NCAN: variants seen among roughly 807,000 people sequenced by gnomAD.
NCAN encodes the protein neurocan core protein.
NCAN carries 47 observed loss-of-function variants against 121.8 expected under a neutral mutation model. The observed-to-expected ratio is 0.39, with a 90% confidence interval of 0.31 to 0.49. The LOEUF (loss-of-function observed/expected upper bound fraction) is 0.49, where lower values mean the gene tolerates loss of function less well. Ranked by LOEUF, NCAN falls within the 20% of genes least tolerant of loss-of-function variation. NCAN has a pLI of 0.92. For synonymous variants in NCAN, 633 were observed against 702.0 expected, an observed-to-expected ratio of 0.90 and a Z score of 1.55; for missense variants, 1,517 against 1,773.4, an observed-to-expected ratio of 0.86 and a Z score of 2.60.
At position 19,240,752 on chromosome 19, in the gene NCAN, A is replaced by G. The variant is rs1373486891; in HGVS notation, c.3492+67A>G. The G allele has an allele frequency of 5.9e-6, 9 of 1,525,038 alleles. No individual in the cohort carries two copies. The African/African-American group carries it at 1.2e-4, about 21-fold the overall frequency. 94.5% of individuals were successfully genotyped at this position (1,525,038 alleles called of 1,614,324 possible). A position where few individuals can be genotyped will look rare whatever the true frequency, so the allele number is the denominator to read the frequency against. On this transcript the variant is annotated intron_variant, in intron 12 of 14. Coordinates refer to ENST00000252575, the MANE Select transcript of NCAN (RefSeq NM_004386.3). ...CAGCCCTGCCATCTGGCCTCAGTTT[A>G]CCCTTTTGTGCAAAGTTATCGCAAT... is the stretch of plus-strand genomic sequence containing the variant.
At chr19:19,218,417 C>G (rs558380949) in intron 2 of NCAN, among the ~76,000 whole-genome samples, 40 of 152,096 alleles carry the variant, frequency 2.6e-4, no homozygotes, top group African/African-American at 8.7e-4. Flanking sequence ...GAATCATGAT[C>G]ATGTCACTGC....
rs1331235500 is a variant in NCAN at position 19,219,111 on chromosome 19, C to T, written c.270C>T (p.Asp90=). The T allele has an allele frequency of 2.5e-6, 4 of 1,613,230 alleles. No individual in the cohort carries two copies. The South Asian group carries it at 3.3e-5, about 13-fold the overall frequency. Residue 90 remains aspartate (D), a synonymous_variant, in exon 3 of 15, where the codon GAC becomes GAT. Coordinates refer to ENST00000252575, the MANE Select transcript of NCAN (RefSeq NM_004386.3). ...KVRTASGQRQ[D]LPILVAKDNV... Reference sequence around the variant, plus strand: ...GGACTGCGTCGGGCCAGCGACAGGACTTGCCCATCCTGGTGGCCAAGGACA... The same window carrying T: ...GGACTGCGTCGGGCCAGCGACAGGATTTGCCCATCCTGGTGGCCAAGGACA...
In NCAN at chr19:19,219,077, C is replaced by A; in HGVS notation, c.236C>A (p.Thr79Asn). 1 of 1,612,216 alleles carries A rather than the reference C, an allele frequency of 6.2e-7. No homozygotes were observed. The highest frequency in any genetic ancestry group is 1.1e-5 in the South Asian group (1 of 90,790). ...AARDAPRIKW[T>N]KVRTASGQRQ... Reference sequence around the variant, plus strand: ...CGAGATGCCCCTCGGATAAAGTGGACCAAGGTGCGGACTGCGTCGGGCCAG... The same window carrying A: ...CGAGATGCCCCTCGGATAAAGTGGAACAAGGTGCGGACTGCGTCGGGCCAG... Residue 79 changes from threonine (T) to asparagine (N), a missense_variant, in exon 3 of 15, where the codon ACC (threonine) becomes AAC (asparagine). Coordinates refer to ENST00000252575, the MANE Select transcript of NCAN (RefSeq NM_004386.3).
Position 19,212,849 on chromosome 19 carries a change from G to A in NCAN, c.-8+785G>A, listed in dbSNP as rs1034671599. The stretch of plus-strand genomic sequence containing the variant: ...CTGTGAGGGATACCAGCTCAGAGGG[G>A]GGGCTGTCCCCCAGCACCTTCACAG... On this transcript the variant is annotated intron_variant, in intron 1 of 14. Coordinates refer to ENST00000252575, the MANE Select transcript of NCAN (RefSeq NM_004386.3). The surrounding 1 kb of genome is among the most constrained non-coding windows in gnomAD (Gnocchi z 4.5). 6.6e-6 allele frequency among the ~76,000 whole-genome samples: 1 copy of A among 152,174 alleles called. No homozygotes were observed. Among genetic ancestry groups the A allele is most frequent in the Non-Finnish European group, 1.5e-5 (1 of 68,010 alleles).
chr19:19,218,958 G>A lies in NCAN; in HGVS notation c.117G>A (p.Met39Ile), dbSNP rs775167754. The change falls in exon 3 of 15, where the codon ATG (methionine) becomes ATA (isoleucine). Residue 39 changes from methionine to isoleucine, a missense_variant. Coordinates refer to ENST00000252575, the MANE Select transcript of NCAN (RefSeq NM_004386.3). ...ITDASERGLHMQKLGSGSVQA... is the reference protein window; with the variant it reads ...ITDASERGLHIQKLGSGSVQA... ...ATGCCAGCGAAAGGGGGCTCCACATGCAGAAGCTGGGGTCTGGGTCAGTGC... is the reference window on the plus strand; with the variant it reads ...ATGCCAGCGAAAGGGGGCTCCACATACAGAAGCTGGGGTCTGGGTCAGTGC... 28 of 1,531,870 alleles carry A rather than the reference G, an allele frequency of 1.8e-5. No individual in the cohort carries two copies. The East Asian group carries it at 5.7e-4, about 31-fold the overall frequency. 94.9% of individuals were successfully genotyped at this position (1,531,870 alleles called of 1,614,324 possible).
rs1473343786 is a variant in NCAN, at chr19:19,250,736, CAAAG to C, written c.*828_*831del. ...CTTCCCCCTCCATCTCTCAGGGAGA[CAAAG>C]AACCTCCTTCCTGGACCAAGGAGGT... On this transcript the variant is annotated 3_prime_UTR_variant, in exon 15 of 15. Transcript: ENST00000252575. 2 of 154,900 alleles carry C rather than the reference CAAAG, an allele frequency of 1.3e-5. No homozygotes were observed. The highest frequency in any genetic ancestry group is 4.8e-5 in the African/African-American group (2 of 41,438). The allele number at this position is 154,900 out of a possible 1,614,324, so 9.6% of individuals were successfully genotyped here.
At chr19:19,215,332 C>T (rs915269299) in intron 1 of NCAN, among the ~76,000 whole-genome samples, 17 of 152,186 alleles carry the variant, frequency 1.1e-4, no homozygotes, top group African/African-American at 4.1e-4. Context: ...TCTGCGCCCA[C>T]CTCCTGAGCC....
intron 8 of NCAN, among the ~76,000 whole-genome samples, chr19:19,231,990 A>T (rs532760246): frequency 6.6e-6 from 1 of 151,868 alleles, no homozygotes; most frequent in East Asian, 1.9e-4. Flanking sequence ...AAAAAAAAAA[A>T]TTAATCTTGG....
chr19:19,225,191 C>A lies in NCAN; in HGVS notation c.993C>A (p.Gly331=). 6.4e-7 allele frequency: 1 copy of A among 1,556,326 alleles called. No homozygotes were observed. The highest frequency in any genetic ancestry group is 1.9e-5 in the Admixed American group (1 of 53,982). Residue 331 remains glycine, a synonymous_variant, in exon 6 of 15, where the codon GGC becomes GGA. Transcript: ENST00000252575. The surrounding 1 kb of genome is among the most constrained non-coding windows in gnomAD (Gnocchi z 4.0). ...GGCGCTGCGGGGGCCCAGCCCCGGG[C>A]GTGCGCACCGTCTACCGCTTCGCTA... ...PRRRCGGPAP[G]VRTVYRFANR...
chr19:19,228,783 G>C (rs530451492), intron 8 of NCAN, 144 bp downstream of exon 8: 1 of 919,868 alleles, frequency 1.1e-6, no homozygotes, highest in Admixed American at 2.9e-5. Flanking sequence ...GGAGGTAGGA[G>C]CTTATCAGGT....
At position 19,224,992 on chromosome 19, in the gene NCAN, T is replaced by C; in HGVS notation, c.794T>C (p.Val265Ala). The change falls in exon 6 of 15, where the codon GTG becomes GCG. Residue 265 changes from valine (V) to alanine (A), a missense_variant. Coordinates refer to ENST00000252575, the MANE Select transcript of NCAN (RefSeq NM_004386.3). The stretch of plus-strand genomic sequence containing the variant: ...CCTCCCGCAGGCGAGGTCTTCTACG[T>C]GGGCCCGGCCCGCCGCCTGACACTG... ...ARELGGEVFY[V>A]GPARRLTLAG... 6.9e-7 allele frequency: 1 copy of C among 1,451,316 alleles called. No homozygotes were observed. The highest frequency in any genetic ancestry group is 9.0e-7 in the Non-Finnish European group (1 of 1,108,660). The allele number at this position is 1,451,316 out of a possible 1,614,324, so 89.9% of individuals were successfully genotyped here.
rs952878866 is a variant in NCAN at position 19,230,622 on chromosome 19, G to C, written c.3019+1983G>C. ...TGCCATGTTGCCCAAGCTAGTGCCC[G>C]TTTTTTTGAAGGCAAAGTGTCATGA... On this transcript the variant is annotated intron_variant, in intron 8 of 14. Coordinates refer to ENST00000252575, the MANE Select transcript of NCAN (RefSeq NM_004386.3). Among the ~76,000 whole-genome samples, 4 of 149,686 alleles carry C rather than the reference G, an allele frequency of 2.7e-5. No individual in the cohort carries two copies. In the East Asian group the frequency reaches 7.8e-4, roughly 29 times the overall value.
chr19:19,228,191 C>T lies in NCAN; in HGVS notation c.2571C>T (p.Thr857=), dbSNP rs765837104. The T allele has an allele frequency of 1.9e-6, 3 of 1,613,940 alleles. No individual in the cohort carries two copies. The highest frequency in any genetic ancestry group is 2.5e-6 in the Non-Finnish European group (3 of 1,180,024). The change falls in exon 8 of 15, where the codon ACC becomes ACT. Residue 857 remains threonine, a synonymous_variant. Transcript: ENST00000252575. ...GSQVFEEAES[T]TLSPQVALDT... ...AGGTGTTTGAAGAAGCCGAAAGCAC[C>T]ACCTTGAGCCCTCAGGTGGCCCTGG...
At position 19,228,714 on chromosome 19, in the gene NCAN, G is replaced by C. The variant is rs561415685; in HGVS notation, c.3019+75G>C. 4.5e-4 allele frequency: 661 copies of C among 1,471,404 alleles called. 3 individuals carry two copies. In the South Asian group the frequency reaches 8.5e-3, roughly 19 times the overall value. The allele number at this position is 1,471,404 out of a possible 1,614,324, so 91.1% of individuals were successfully genotyped here. On this transcript the variant is annotated intron_variant, in intron 8 of 14. Coordinates refer to ENST00000252575, the MANE Select transcript of NCAN (RefSeq NM_004386.3). ...GGGGAGCAGGGGCTGGGGGATCCCA[G>C]AGCAGGGAGGAATGGTTGTCCCTGG...
In NCAN at chr19:19,224,002, C is replaced by A; in HGVS notation, c.476-19C>A. On this transcript the variant is annotated intron_variant, in intron 3 of 14. Coordinates refer to ENST00000252575, the MANE Select transcript of NCAN (RefSeq NM_004386.3). ...CAGCATAAGTCAACTGTCCCCCCAT[C>A]CTGGATGTTCCCCCACAGGTGTTGT... 1 of 1,503,156 alleles carries A rather than the reference C, an allele frequency of 6.7e-7. No homozygotes were observed. The highest frequency in any genetic ancestry group is 2.2e-5 in the Admixed American group (1 of 45,662). The allele number at this position is 1,503,156 out of a possible 1,614,324, so 93.1% of individuals were successfully genotyped here. A position where few individuals can be genotyped will look rare whatever the true frequency, so the allele number is the denominator to read the frequency against.
chr19:19,233,641 G>A lies in NCAN; in HGVS notation c.3020-148G>A, dbSNP rs147630978. ...CTCGTAACAGGGGTCATATGGGAGG[G>A]AGTTGGTGACCGCTGGTTGGGGAAG... On this transcript the variant is annotated intron_variant, in intron 8 of 14. Coordinates refer to ENST00000252575, the MANE Select transcript of NCAN (RefSeq NM_004386.3). 5,922 of 603,506 alleles carry A rather than the reference G, an allele frequency of 9.8e-3. 39 individuals carry two copies. Among genetic ancestry groups the A allele is most frequent in the Non-Finnish European group, 0.014 (4,587 of 331,470 alleles). 37.4% of individuals were successfully genotyped at this position (603,506 alleles called of 1,614,324 possible). A position where few individuals can be genotyped will look rare whatever the true frequency, so the allele number is the denominator to read the frequency against.
At chr19:19,233,154 G>A (rs2060867062) in intron 8 of NCAN, among the ~76,000 whole-genome samples, 1 of 151,994 alleles carries the variant, frequency 6.6e-6, no homozygotes, top group African/African-American at 2.4e-5. Context: ...GGCTGGTCTC[G>A]AACTCCTGAC....
At chr19:19,223,992 G>A (rs761905575) in intron 3 of NCAN, 29 bp from the exon 4 acceptor site, 3 of 1,496,180 alleles carry the variant, frequency 2.0e-6, no homozygotes, top group East Asian at 2.3e-5. Flanking sequence ...TAAGTCAACT[G>A]TCCCCCCATC....
Position 19,250,308 on chromosome 19 carries a change from T to G in NCAN, c.*397T>G, listed in dbSNP as rs1055407390. 11 of 376,722 alleles carry G rather than the reference T, an allele frequency of 2.9e-5. No homozygotes were observed. Among genetic ancestry groups the G allele is most frequent in the Non-Finnish European group, 5.7e-5 (11 of 193,800 alleles). The allele number at this position is 376,722 out of a possible 1,614,324, so 23.3% of individuals were successfully genotyped here. A position where few individuals can be genotyped will look rare whatever the true frequency, so the allele number is the denominator to read the frequency against. On this transcript the variant is annotated 3_prime_UTR_variant, in exon 15 of 15. Transcript: ENST00000252575. Reference sequence around the variant, plus strand: ...TTTCACACCAGAAATTCAGACTTAGTCAATGTTGGCTGAATTCCTAAATCC... The same window carrying G: ...TTTCACACCAGAAATTCAGACTTAGGCAATGTTGGCTGAATTCCTAAATCC...
Sources: allele counts gnomAD v4.1 joint callset (sites outside exome capture counted in the v4.1 genomes callset), GRCh38; gene constraint gnomAD v4.1.1; non-coding constraint Gnocchi (gnomAD v3.1); transcripts MANE v1.5; gene names NCBI Gene and HGNC (gene_info 2026-07-23, HGNC 2026-07-21).